Variants in CSTL1 observed in about 807,000 individuals in gnomAD.
CSTL1 encodes the protein cystatin like 1.
Under a neutral mutation model 14.4 loss-of-function variants are expected in CSTL1, and 14 were observed. The ratio of observed to expected loss-of-function variants is 0.97; its 90% CI spans 0.64 to 1.52. The LOEUF (loss-of-function observed/expected upper bound fraction) is 1.52. CSTL1 is among the 40% of genes most tolerant of loss of function. The pLI is 0.00. For missense variants in CSTL1, 170 were observed against 168.7 expected (o/e 1.01, Z -0.04); for synonymous variants, 72 against 67.5 (o/e 1.07, Z -0.33).
the CSTL1 span, among the ~76,000 whole-genome samples, chr20:23,459,976 G>C: frequency 6.6e-6 from 1 of 152,140 alleles, no homozygotes; most frequent in Non-Finnish European, 1.5e-5. Context: ...CAGTGGTTTA[G>C]CAAATAAGGA....
chr20:23,449,975 T>TC, the CSTL1 span, among the ~76,000 whole-genome samples: 1 of 152,212 alleles, frequency 6.6e-6, no homozygotes, highest in Non-Finnish European at 1.5e-5. Flanking sequence ...ATAAGGCACA[T>TC]CTCTCAACCT....
chr20:23,440,296 T>C lies in CSTL1; in HGVS notation c.29T>C (p.Leu10Pro), dbSNP rs1600271379. 6.2e-7 allele frequency: 1 copy of C among 1,614,078 alleles called. No individual in the cohort carries two copies. Among genetic ancestry groups the C allele is most frequent in the Non-Finnish European group, 8.5e-7 (1 of 1,179,962 alleles). The stretch of plus-strand genomic sequence containing the variant: ...GGGATCGGATGCTGGAGAAACCCCC[T>C]GCTGCTGCTGATTGCCCTGGTCCTG... The part of the protein sequence containing the change: MGIGCWRNP[L>P]LLLIALVLSA... The change falls in exon 2 of 4, where the codon CTG (leucine) becomes CCG (proline). Residue 10 changes from leucine (L) to proline (P), a missense_variant. Physicochemically the swap from Leu to Pro is moderately conservative, Grantham distance 98. Coordinates refer to ENST00000347397, the MANE Select transcript of CSTL1 (RefSeq NM_138283.1).
rs1220504047 is a variant in CSTL1, at chr20:23,444,794, A to G, written c.354A>G (p.Ile118Met). The G allele has an allele frequency of 6.8e-6, 11 of 1,613,414 alleles. No individual in the cohort carries two copies. The highest frequency in any genetic ancestry group is 9.3e-6 in the Non-Finnish European group (11 of 1,179,356). ...AGAGTTTAATTTGCGAGTCTTTGATATACACCATGCCCTGGATAAACTATT... is the reference window on the plus strand; with the variant it reads ...AGAGTTTAATTTGCGAGTCTTTGATGTACACCATGCCCTGGATAAACTATT... ...LRKSLICESL[I>M]YTMPWINYFQ... is the part of the protein sequence containing the mutation. The change falls in exon 4 of 4, where the codon ATA becomes ATG. Residue 118 changes from isoleucine (I) to methionine (M), a missense_variant. By Grantham distance (10) the Ile-to-Met change is conservative. Coordinates refer to ENST00000347397, the MANE Select transcript of CSTL1 (RefSeq NM_138283.1).
At position 23,443,941 on chromosome 20, in the gene CSTL1, C is replaced by T. The variant is rs138411204; in HGVS notation, c.227C>T (p.Thr76Met). 6.4e-5 allele frequency: 104 copies of T among 1,613,164 alleles called. No individual in the cohort carries two copies. The highest frequency in any genetic ancestry group is 5.3e-4 in the African/African-American group (40 of 74,976). The change falls in exon 3 of 4, where the codon ACG (threonine) becomes ATG (methionine). Residue 76 changes from threonine to methionine, a missense_variant. Transcript: ENST00000347397. ...RLIRSQMQLTTGVEYIVTVKI... is the reference protein window; with the variant it reads ...RLIRSQMQLTMGVEYIVTVKI... ...ACAACTGATTCTCGGCAGCTGACGACGGGAGTGGAGTATATAGTCACTGTG... is the reference window on the plus strand; with the variant it reads ...ACAACTGATTCTCGGCAGCTGACGATGGGAGTGGAGTATATAGTCACTGTG...
downstream of CSTL1, chr20:23,445,046 A>G: frequency 1.6e-6 from 1 of 644,488 alleles, no homozygotes. Context: ...CAATGCTCAT[A>G]CTCACGACAC....
At chr20:23,454,393 C>A in the CSTL1 span, among the ~76,000 whole-genome samples, 1 of 151,846 alleles carries the variant, frequency 6.6e-6, no homozygotes, top group Non-Finnish European at 1.5e-5. Context: ...ACACACAACA[C>A]ACATAGACAC....
chr20:23,447,984 C>G (rs539011772), downstream of CSTL1, among the ~76,000 whole-genome samples: 1 of 152,100 alleles, frequency 6.6e-6, no homozygotes, highest in East Asian at 1.9e-4. Context: ...TGTACTATTT[C>G]TATCTTTTTT....
Position 23,444,757 on chromosome 20 carries a change from T to C in CSTL1, c.331-14T>C, listed in dbSNP as rs1371428301. On this transcript the variant is annotated splice_polypyrimidine_tract_variant and intron_variant, in intron 3 of 3. Transcript: ENST00000347397. Reference sequence around the variant, plus strand: ...ATACTTCCCCCAAAGTCTGTTTTCTTTCTTCTTCTACAGAGTTTAATTTGC... The same window carrying C: ...ATACTTCCCCCAAAGTCTGTTTTCTCTCTTCTTCTACAGAGTTTAATTTGC... 6.4e-7 allele frequency: 1 copy of C among 1,570,992 alleles called. No homozygotes were observed. The highest frequency in any genetic ancestry group is 2.2e-5 in the East Asian group (1 of 44,662).
At position 23,440,331 on chromosome 20, in the gene CSTL1, C is replaced by T. The variant is rs777984032; in HGVS notation, c.64C>T (p.Leu22=). ...LLIALVLSAK[L]GHFQRWEGFQ... ...GATTGCCCTGGTCCTGTCAGCCAAG[C>T]TGGGTCACTTCCAAAGGTGGGAGGG... Residue 22 remains leucine, a synonymous_variant, in exon 2 of 4, where the codon CTG becomes TTG. Coordinates refer to ENST00000347397, the MANE Select transcript of CSTL1 (RefSeq NM_138283.1). The T allele has an allele frequency of 4.6e-5, 75 of 1,614,080 alleles. 1 individual carries two copies. The highest frequency in any genetic ancestry group is 6.0e-5 in the Non-Finnish European group (71 of 1,180,048).
chr20:23,451,489 G>A, the CSTL1 span, among the ~76,000 whole-genome samples: 2 of 152,248 alleles, frequency 1.3e-5, no homozygotes, highest in Admixed American at 1.3e-4. Flanking sequence ...TTCAGTCAGC[G>A]CACCTGACAG....
the CSTL1 span, chr20:23,452,673 T>C: frequency 1.9e-6 from 3 of 1,614,100 alleles, no homozygotes; most frequent in South Asian, 2.2e-5. Flanking sequence ...CACTGCAAGC[T>C]GTCCTTCGCA....
downstream of CSTL1, among the ~76,000 whole-genome samples, chr20:23,449,438 G>T (rs1987030434): frequency 6.6e-6 from 1 of 151,748 alleles, no homozygotes; most frequent in Non-Finnish European, 1.5e-5. Context: ...GTGTGTGTTT[G>T]CTATGGTGTC....
the CSTL1 span, among the ~76,000 whole-genome samples, chr20:23,453,946 C>T: frequency 2.0e-5 from 3 of 152,106 alleles, no homozygotes; most frequent in East Asian, 3.9e-4. Flanking sequence ...AACACAGACA[C>T]ACAACACACA....
downstream of CSTL1, among the ~76,000 whole-genome samples, chr20:23,448,070 C>A (rs1193400795): frequency 1.3e-5 from 2 of 151,826 alleles, no homozygotes; most frequent in East Asian, 3.9e-4. Flanking sequence ...TTTTTGGGAA[C>A]AGGTGCTGTT....
chr20:23,457,043 A>G, the CSTL1 span, among the ~76,000 whole-genome samples: 1 of 152,146 alleles, frequency 6.6e-6, no homozygotes, highest in Non-Finnish European at 1.5e-5. Flanking sequence ...TAGGATGCGG[A>G]CATCTCGGGT....
chr20:23,443,949 GAGTATATAGTCACTGTGA>G lies in CSTL1; in HGVS notation c.238_255del (p.Tyr80_Lys85del), dbSNP rs755153225. ...TTCTCGGCAGCTGACGACGGGAGTG[GAGTATATAGTCACTGTGA>G]AGATTGGCTGGACCAAATGCAAGAG... On this transcript the variant is annotated inframe_deletion, in exon 3 of 4. Coordinates refer to ENST00000347397, the MANE Select transcript of CSTL1 (RefSeq NM_138283.1). 16 of 1,613,800 alleles carry G rather than the reference GAGTATATAGTCACTGTGA, an allele frequency of 9.9e-6. No homozygotes were observed. The highest frequency in any genetic ancestry group is 1.4e-5 in the Non-Finnish European group (16 of 1,179,782).
chr20:23,444,941 A>G (rs1986935192), downstream of CSTL1: 3 of 1,126,870 alleles, frequency 2.7e-6, no homozygotes, highest in Non-Finnish European at 4.1e-6. Flanking sequence ...TGTCTCCCTC[A>G]TTGGGGTCTT....
In CSTL1 at chr20:23,440,292, C is replaced by A. The variant is rs1449651989; in HGVS notation, c.25C>A (p.Pro9Thr). 4 of 1,613,976 alleles carry A rather than the reference C, an allele frequency of 2.5e-6. No homozygotes were observed. The highest frequency in any genetic ancestry group is 2.5e-6 in the Non-Finnish European group (3 of 1,180,042). MGIGCWRN[P>T]LLLLIALVLS... Reference sequence around the variant, plus strand: ...CATGGGGATCGGATGCTGGAGAAACCCCCTGCTGCTGCTGATTGCCCTGGT... The same window carrying A: ...CATGGGGATCGGATGCTGGAGAAACACCCTGCTGCTGCTGATTGCCCTGGT... Residue 9 changes from proline (P) to threonine (T), a missense_variant, in exon 2 of 4, where the codon CCC becomes ACC. Pro to Thr is a conservative substitution (Grantham distance 38). Coordinates refer to ENST00000347397, the MANE Select transcript of CSTL1 (RefSeq NM_138283.1).
At chr20:23,449,683 C>A (rs569364669), downstream of CSTL1, among the ~76,000 whole-genome samples, 14 of 152,264 alleles carry the variant, frequency 9.2e-5, no homozygotes, top group African/African-American at 3.4e-4. Context: ...GGCTGCTGTG[C>A]CTTCTGTGGA....
Sources: gnomAD v4.1 joint callset for allele counts (sites outside exome capture counted in the v4.1 genomes callset) on GRCh38, gnomAD v4.1.1 for gene constraint, MANE v1.5 for transcripts, NCBI Gene and HGNC (gene_info 2026-07-23, HGNC 2026-07-21) for gene names.